ROBO1: variants seen among roughly 807,000 people sequenced by gnomAD.
The protein encoded by ROBO1 is roundabout guidance receptor 1.
Under a neutral mutation model 195.9 loss-of-function variants are expected in ROBO1, and 149 were observed. The observed-to-expected ratio is 0.76, with a 90% confidence interval of 0.67 to 0.87. The LOEUF is 0.87. ROBO1 is among the 40% of genes least tolerant of loss of function. The pLI is 0.00. For synonymous variants in ROBO1, 816 were observed against 733.2 expected (o/e 1.11, Z -1.82); for missense variants, 1,933 against 2,068.3 (o/e 0.93, Z 1.27).
chr3:79,149,888 A>C (rs2108635258), intron 2 of ROBO1, among the ~76,000 whole-genome samples: 1 of 151,912 alleles, frequency 6.6e-6, no homozygotes, highest in South Asian at 2.1e-4. Flanking sequence ...GTTAAGAGGA[A>C]CAGAATGCTC....
intron 3 of ROBO1, among the ~76,000 whole-genome samples, chr3:79,041,529 A>G (rs952448988): frequency 4.3e-4 from 65 of 152,150 alleles, no homozygotes; most frequent in South Asian, 2.1e-4. Flanking sequence ...ATGCATATCA[A>G]ATTAACAGTT....
At chr3:79,011,901 C>G (rs966081710) in intron 3 of ROBO1, among the ~76,000 whole-genome samples, 1 of 151,880 alleles carries the variant, frequency 6.6e-6, no homozygotes, top group Non-Finnish European at 1.5e-5. Flanking sequence ...ACTTTCTATA[C>G]AAACTGGGCA....
chr3:78,979,387 C>T (rs1387305876), intron 3 of ROBO1, among the ~76,000 whole-genome samples: 1 of 152,168 alleles, frequency 6.6e-6, no homozygotes, highest in African/African-American at 2.4e-5. Flanking sequence ...CCCTGCTGTT[C>T]CATACACTAA....
chr3:79,417,320 TGAG>T (rs2106907853), intron 2 of ROBO1, among the ~76,000 whole-genome samples: 1 of 152,218 alleles, frequency 6.6e-6, no homozygotes, highest in Admixed American at 6.6e-5. Context: ...AGCAAGAAAC[TGAG>T]GGTTAGTCCA....
chr3:79,673,953 A>T (rs578144701), intron 1 of ROBO1, among the ~76,000 whole-genome samples: 1 of 152,154 alleles, frequency 6.6e-6, no homozygotes, highest in East Asian at 1.9e-4. Flanking sequence ...AGCATGTATT[A>T]CCAACCAAAT....
At chr3:79,406,459 C>G (rs756982489) in intron 2 of ROBO1, among the ~76,000 whole-genome samples, 1 of 151,622 alleles carries the variant, frequency 6.6e-6, no homozygotes, top group Non-Finnish European at 1.5e-5. Flanking sequence ...TAATAAAACA[C>G]CAAAACAGCA....
At chr3:79,760,573 C>A (rs2107519270) in intron 1 of ROBO1, among the ~76,000 whole-genome samples, 2 of 144,584 alleles carry the variant, frequency 1.4e-5, no homozygotes, top group East Asian at 4.0e-4. Context: ...AAATGTCTCA[C>A]TAGAGAAATG....
intron 5 of ROBO1, among the ~76,000 whole-genome samples, chr3:78,721,426 T>C (rs2082041910): frequency 6.6e-6 from 1 of 152,228 alleles, no homozygotes; most frequent in Admixed American, 6.5e-5. Context: ...GTTTCTTTAT[T>C]AGTTCTATAA....
chr3:79,218,679 C>A (rs2082091909), intron 2 of ROBO1, among the ~76,000 whole-genome samples: 1 of 151,836 alleles, frequency 6.6e-6, no homozygotes, highest in Admixed American at 6.6e-5. Flanking sequence ...AATAATGAAT[C>A]TTTTATTTGT....
chr3:78,926,217 A>T (rs148826776), intron 4 of ROBO1, among the ~76,000 whole-genome samples: 8 of 152,306 alleles, frequency 5.3e-5, no homozygotes, highest in African/African-American at 1.9e-4. Context: ...ATTCTAGGCC[A>T]CAATGCTGGG....
intron 2 of ROBO1, among the ~76,000 whole-genome samples, chr3:79,337,753 G>A (rs1277955466): frequency 6.6e-6 from 1 of 151,972 alleles, no homozygotes; most frequent in African/African-American, 2.4e-5. Context: ...TTCTTACAAA[G>A]CCTCATGCTA....
intron 2 of ROBO1, among the ~76,000 whole-genome samples, chr3:79,144,196 T>C (rs1426280928): frequency 6.6e-6 from 1 of 152,100 alleles, no homozygotes; most frequent in African/African-American, 2.4e-5. Context: ...TACATTTTCA[T>C]TTCTCTGAGA....
intron 3 of ROBO1, among the ~76,000 whole-genome samples, chr3:79,102,413 A>G (rs2079695223): frequency 6.6e-6 from 1 of 151,770 alleles, no homozygotes; most frequent in Non-Finnish European, 1.5e-5. Flanking sequence ...GTTTTCAATC[A>G]TAAGAGAGGA....
At chr3:79,377,628 C>A (rs1265972263) in intron 2 of ROBO1, among the ~76,000 whole-genome samples, 2 of 151,930 alleles carry the variant, frequency 1.3e-5, no homozygotes, top group Non-Finnish European at 2.9e-5. Flanking sequence ...TTCATTATAC[C>A]CTGTGTCATA....
intron 2 of ROBO1, among the ~76,000 whole-genome samples, chr3:79,228,110 T>G (rs2082259021): frequency 6.6e-6 from 1 of 152,116 alleles, no homozygotes; most frequent in Non-Finnish European, 1.5e-5. Context: ...ACTAATTCAT[T>G]TGTACCAAAA....
chr3:78,631,964 A>G (rs1413732139), intron 24 of ROBO1, among the ~76,000 whole-genome samples: 1 of 152,234 alleles, frequency 6.6e-6, no homozygotes, highest in Non-Finnish European at 1.5e-5. Flanking sequence ...ACATAGCCCA[A>G]TCATTCAAGT....
chr3:79,285,867 A>C (rs1052180226), intron 2 of ROBO1, among the ~76,000 whole-genome samples: 4 of 152,184 alleles, frequency 2.6e-5, no homozygotes, highest in Admixed American at 2.6e-4. Flanking sequence ...AAATGTTAAC[A>C]TTTTAAAATA....
chr3:79,174,312 C>T (rs78469123), intron 2 of ROBO1, among the ~76,000 whole-genome samples: 3 of 151,770 alleles, frequency 2.0e-5, no homozygotes, highest in Non-Finnish European at 4.4e-5. Context: ...CCAGACGTGC[C>T]GCCTTAAGAG....
intron 4 of ROBO1, among the ~76,000 whole-genome samples, chr3:78,922,067 C>T (rs1181999255): frequency 6.6e-6 from 1 of 152,022 alleles, no homozygotes; most frequent in Non-Finnish European, 1.5e-5. Context: ...GGATTACAGG[C>T]AGCTCTAACC....
Sources: allele counts gnomAD v4.1 joint callset (sites outside exome capture counted in the v4.1 genomes callset), GRCh38; gene constraint gnomAD v4.1.1; transcripts MANE v1.5; gene names NCBI Gene and HGNC (gene_info 2026-07-23, HGNC 2026-07-21).